STAB2: variants seen among roughly 807,000 people sequenced by gnomAD.
STAB2 encodes stabilin 2, also known as stabilin-2.
STAB2 carries 288 observed loss-of-function variants against 338.1 expected under a neutral mutation model. That is an observed-to-expected ratio of 0.85 (90% CI 0.77 to 0.94). The LOEUF is 0.94. Among genes scored for constraint, STAB2 ranks in the 40% least tolerant of loss-of-function variants. The probability of loss-of-function intolerance (pLI) is 0.00; values close to 1 mark genes in which losing one functional copy is unlikely to be tolerated. For synonymous variants in STAB2, 1,202 were observed against 1,193.3 expected, an observed-to-expected ratio of 1.01 and a Z score of -0.15; for missense variants, 3,141 against 3,210.1, an observed-to-expected ratio of 0.98 and a Z score of 0.52.
chr12:103,695,871 A>G, intron 33 of STAB2, 27 bp downstream of exon 33: 1 of 1,602,068 alleles, frequency 6.2e-7, no homozygotes, highest in Non-Finnish European at 8.6e-7. Context: ...ATAACTAGGG[A>G]AGTTATTTTG....
At chr12:103,745,372 GA>G in intron 57 of STAB2, 95 bp downstream of exon 57, 2 of 1,140,814 alleles carry the variant, frequency 1.8e-6, no homozygotes, top group Non-Finnish European at 2.4e-6. Flanking sequence ...AGTGACATCT[GA>G]AAAAAGTGAC....
At position 103,736,871 on chromosome 12, in the gene STAB2, CA is replaced by C. The variant is rs1206052299; in HGVS notation, c.5551-762del. On this transcript the variant is annotated intron_variant, in intron 52 of 68. Transcript: ENST00000388887. ...TTTCCTCTCAAAAGCTTTCTAAAAG[CA>C]TTTTGTATATTGGAAGAATAATGTA... is the stretch of plus-strand genomic sequence containing the variant. Among the ~76,000 whole-genome samples, 5 of 152,222 alleles carry C rather than the reference CA, an allele frequency of 3.3e-5. No homozygotes were observed. The East Asian group carries it at 7.7e-4, about 24-fold the overall frequency.
At chr12:103,670,646 C>G in intron 21 of STAB2, 50 bp from the exon 22 acceptor site, 2 of 1,441,516 alleles carry the variant, frequency 1.4e-6, no homozygotes, top group Non-Finnish European at 1.9e-6. Flanking sequence ...AATGAAAACA[C>G]CTGAGAACTA....
intron 21 of STAB2, 21 bp from the exon 22 acceptor site, chr12:103,670,675 G>A (rs1339059091): frequency 6.2e-7 from 1 of 1,602,140 alleles, no homozygotes; most frequent in Non-Finnish European, 8.5e-7. Context: ...AATGGCCCAT[G>A]GGCCCTGCCT....
chr12:103,626,915 C>T (rs1957389424), intron 5 of STAB2, among the ~76,000 whole-genome samples: 1 of 152,208 alleles, frequency 6.6e-6, no homozygotes, highest in African/African-American at 2.4e-5. Context: ...GTGCCTCCTT[C>T]CCAGCTAGCC....
intron 25 of STAB2, among the ~76,000 whole-genome samples, chr12:103,682,435 G>C (rs1877005018): frequency 6.6e-6 from 1 of 152,186 alleles, no homozygotes; most frequent in South Asian, 2.1e-4. Context: ...TAATTACGAG[G>C]AATGCTGCTT....
chr12:103,686,480 G>A (rs1046399036), intron 27 of STAB2, among the ~76,000 whole-genome samples: 5 of 152,062 alleles, frequency 3.3e-5, no homozygotes, highest in Non-Finnish European at 7.4e-5. Flanking sequence ...GGCTCTCCAG[G>A]TATCTCCACA....
chr12:103,643,945 C>CGGGA (rs1873123993), intron 9 of STAB2, among the ~76,000 whole-genome samples: 32 of 37,250 alleles, frequency 8.6e-4, no homozygotes, highest in African/African-American at 3.1e-3. Context: ...CCGCCCCGTC[C>CGGGA]GGGAGGTGAG....
chr12:103,726,019 C>G, intron 45 of STAB2, 97 bp from the exon 46 acceptor site: 1 of 1,371,084 alleles, frequency 7.3e-7, no homozygotes, highest in Non-Finnish European at 1.0e-6. Flanking sequence ...TACAGATTTC[C>G]AGCTGAAGGG....
intron 25 of STAB2, 56 bp from the exon 26 acceptor site, chr12:103,683,149 G>A: frequency 6.7e-7 from 1 of 1,499,024 alleles, no homozygotes; most frequent in East Asian, 2.3e-5. Flanking sequence ...GTGAGGGAAA[G>A]ACATGGAAGG....
chr12:103,615,316 A>G (rs549320181), intron 3 of STAB2, among the ~76,000 whole-genome samples: 2 of 152,340 alleles, frequency 1.3e-5, no homozygotes, highest in South Asian at 2.1e-4. Context: ...GGAGACACCA[A>G]TGCAGGTCTG....
rs1465640983 is a variant in STAB2, at chr12:103,652,708, A to C, written c.1407+3A>C. ...GGGAAATCTTCAACAGCGATAAGGT[A>C]AGGGTTCCTCTGATTTTCACTCCCA... is the stretch of plus-strand genomic sequence containing the variant. On this transcript the variant is annotated splice_donor_region_variant and intron_variant, in intron 12 of 68. Coordinates refer to ENST00000388887, the MANE Select transcript of STAB2 (RefSeq NM_017564.10). 3 of 1,580,414 alleles carry C rather than the reference A, an allele frequency of 1.9e-6. No individual in the cohort carries two copies. Among genetic ancestry groups the C allele is most frequent in the Non-Finnish European group, 2.6e-6 (3 of 1,164,638 alleles).
intron 59 of STAB2, 117 bp downstream of exon 59, chr12:103,749,273 GCA>G (rs1345350299): frequency 2.6e-6 from 3 of 1,168,826 alleles, no homozygotes; most frequent in African/African-American, 3.1e-5. Context: ...ATTTTTTCTA[GCA>G]CAGTCTGTTT....
chr12:103,591,510 C>T (rs973599188), intron 2 of STAB2, among the ~76,000 whole-genome samples: 12 of 152,112 alleles, frequency 7.9e-5, no homozygotes, highest in African/African-American at 2.9e-4. Flanking sequence ...TATTGTTATT[C>T]ATTCACATTT....
At chr12:103,601,778 C>T (rs1565953650) in intron 3 of STAB2, among the ~76,000 whole-genome samples, 1 of 151,998 alleles carries the variant, frequency 6.6e-6, no homozygotes, top group Non-Finnish European at 1.5e-5. Flanking sequence ...TATAACTTAC[C>T]TTGTGTTTAA....
intron 36 of STAB2, 80 bp from the exon 37 acceptor site, chr12:103,705,552 C>A: frequency 2.6e-6 from 3 of 1,140,710 alleles, no homozygotes; most frequent in Non-Finnish European, 3.9e-6. Flanking sequence ...GACAGCAATG[C>A]ATCACCCACC....
At chr12:103,714,301 A>C (rs1467464806) in intron 42 of STAB2, among the ~76,000 whole-genome samples, 1 of 152,254 alleles carries the variant, frequency 6.6e-6, no homozygotes, top group Non-Finnish European at 1.5e-5. Flanking sequence ...ATGCCATAGT[A>C]AGTTGTCTGA....
At chr12:103,653,739 GATGGATGA>G (rs1873947961) in intron 12 of STAB2, among the ~76,000 whole-genome samples, 2 of 149,298 alleles carry the variant, frequency 1.3e-5, no homozygotes, top group African/African-American at 2.5e-5. Context: ...TGGATGGATG[GATGGATGA>G]ATGGATGGAT....
At chr12:103,725,333 C>T (rs1881098683) in intron 45 of STAB2, among the ~76,000 whole-genome samples, 1 of 152,176 alleles carries the variant, frequency 6.6e-6, no homozygotes, top group African/African-American at 2.4e-5. Flanking sequence ...GTCAGAAACA[C>T]TTGGGTTTGA....
Sources: gnomAD v4.1 joint callset for allele counts (sites outside exome capture counted in the v4.1 genomes callset) on GRCh38, gnomAD v4.1.1 for gene constraint, MANE v1.5 for transcripts, NCBI Gene and HGNC (gene_info 2026-07-23, HGNC 2026-07-21) for gene names.